CD6: variants seen among roughly 807,000 people sequenced by gnomAD.
CD6 encodes the protein T-cell differentiation antigen CD6.
Under a neutral mutation model 75.3 loss-of-function variants are expected in CD6, and 53 were observed. The observed-to-expected ratio is 0.70, with a 90% CI of 0.56 to 0.88. The LOEUF is 0.88. CD6 is among the 40% of genes least tolerant of loss of function. The probability of loss-of-function intolerance (pLI) is 0.00; values close to 1 mark genes in which losing one functional copy is unlikely to be tolerated. For missense variants in CD6, 770 were observed against 897.1 expected (o/e 0.86, Z 1.81); for synonymous variants, 359 against 381.5 (o/e 0.94, Z 0.69).
chr11:60,983,072 T>C (rs1857643720), intron 1 of CD6, among the ~76,000 whole-genome samples: 1 of 151,652 alleles, frequency 6.6e-6, no homozygotes, highest in South Asian at 2.1e-4. Flanking sequence ...GTCCTCAGGC[T>C]CTGCCTCCTC....
At chr11:61,003,019 C>T (rs914390789) in intron 1 of CD6, among the ~76,000 whole-genome samples, 3 of 151,542 alleles carry the variant, frequency 2.0e-5, no homozygotes, top group African/African-American at 7.3e-5. Context: ...GGCTGGAGGG[C>T]AGTGGCGCAA....
chr11:61,000,565 C>T (rs554002664), intron 1 of CD6, among the ~76,000 whole-genome samples: 8 of 152,170 alleles, frequency 5.3e-5, no homozygotes, highest in Admixed American at 3.9e-4. Flanking sequence ...TCACTGGGCA[C>T]GGCCAGGGCG....
intron 1 of CD6, among the ~76,000 whole-genome samples, chr11:60,988,563 G>A (rs1015364471): frequency 6.6e-6 from 1 of 152,210 alleles, no homozygotes; most frequent in Non-Finnish European, 1.5e-5. Context: ...GTAGCTGCCA[G>A]GGCCGGTCCC....
At chr11:61,010,502 A>G (rs116580352) in intron 5 of CD6, among the ~76,000 whole-genome samples, 2,563 of 152,304 alleles carry the variant, frequency 0.017, 83 homozygotes, top group African/African-American at 0.058. Context: ...CTGAAGAAAC[A>G]TGGTATTTGC....
At chr11:60,999,330 G>A (rs908788445) in intron 1 of CD6, among the ~76,000 whole-genome samples, 3 of 151,000 alleles carry the variant, frequency 2.0e-5, no homozygotes, top group African/African-American at 7.3e-5. Flanking sequence ...TTAGAATCTA[G>A]TGAGCCGATG....
intron 1 of CD6, chr11:60,982,660 GA>G (rs1194755266): frequency 2.2e-6 from 1 of 456,082 alleles, no homozygotes; most frequent in South Asian, 1.5e-5. Flanking sequence ...GCTCCTTGGA[GA>G]AATATGTTGC....
chr11:61,014,596 G>T (rs981074196), intron 8 of CD6, among the ~76,000 whole-genome samples: 1 of 152,060 alleles, frequency 6.6e-6, no homozygotes, highest in Non-Finnish European at 1.5e-5. Context: ...TTAGACAGGT[G>T]TGGTGGCGTG....
At chr11:61,012,411 C>G (rs1326541900) in intron 6 of CD6, among the ~76,000 whole-genome samples, 1 of 152,256 alleles carries the variant, frequency 6.6e-6, no homozygotes, top group African/African-American at 2.4e-5. Context: ...CCCAGCCTCA[C>G]TCTCACATCT....
At chr11:60,977,429 C>T (rs1259538080) in intron 1 of CD6, among the ~76,000 whole-genome samples, 1 of 152,110 alleles carries the variant, frequency 6.6e-6, no homozygotes, top group African/African-American at 2.4e-5. Flanking sequence ...GGGCTGGGAT[C>T]CCCAGGCTGT....
At chr11:60,991,054 T>C (rs1324899271) in intron 1 of CD6, among the ~76,000 whole-genome samples, 4 of 151,994 alleles carry the variant, frequency 2.6e-5, no homozygotes, top group Admixed American at 1.3e-4. Context: ...CAAAAGGGTA[T>C]AGCTTTCAGA....
chr11:60,977,799 T>C (rs530972392), intron 1 of CD6, among the ~76,000 whole-genome samples: 1 of 152,318 alleles, frequency 6.6e-6, no homozygotes, highest in South Asian at 2.1e-4. Context: ...CTGGCTACTC[T>C]TTCTTAATTG....
At chr11:60,983,626 T>C (rs1356046065) in intron 1 of CD6, among the ~76,000 whole-genome samples, 1 of 151,958 alleles carries the variant, frequency 6.6e-6, no homozygotes, top group Non-Finnish European at 1.5e-5. Flanking sequence ...CGTGTGTTTT[T>C]GTTGTTGTTT....
chr11:60,991,399 C>A (rs963281664), intron 1 of CD6, among the ~76,000 whole-genome samples: 1 of 151,930 alleles, frequency 6.6e-6, no homozygotes, highest in Non-Finnish European at 1.5e-5. Flanking sequence ...GTGATACACC[C>A]GCCTCAGCCT....
intron 1 of CD6, among the ~76,000 whole-genome samples, chr11:60,992,731 G>A (rs1183501058): frequency 6.6e-6 from 1 of 152,036 alleles, no homozygotes; most frequent in Admixed American, 6.6e-5. Flanking sequence ...GGGAGACTGA[G>A]GCAGGAGAAT....
intron 1 of CD6, chr11:60,988,165 A>G (rs1284633700): frequency 6.6e-6 from 1 of 152,236 alleles, no homozygotes; most frequent in East Asian, 1.9e-4. Context: ...CATGCTGCGG[A>G]GCCTCAGTTT....
At chr11:61,009,546 C>A in intron 4 of CD6, 26 bp from the exon 5 acceptor site, 1 of 1,562,732 alleles carries the variant, frequency 6.4e-7, no homozygotes, top group Admixed American at 1.8e-5. Flanking sequence ...TCTGACCTGA[C>A]TCTGTCCCCT....
Position 61,017,502 on chromosome 11 carries a change from G to C in CD6, c.1534G>C (p.Asp512His), listed in dbSNP as rs1182018334. The C allele has an allele frequency of 6.5e-7, 1 of 1,550,208 alleles. No homozygotes were observed. Among genetic ancestry groups the C allele is most frequent in the Admixed American group, 2.0e-5 (1 of 50,980 alleles). Residue 512 changes from aspartate to histidine, a missense_variant, in exon 10 of 13, where the codon GAT (aspartate) becomes CAT (histidine). Coordinates refer to ENST00000313421, the MANE Select transcript of CD6 (RefSeq NM_006725.5). ...AGATTCCCAGCGGCATCGGGTCACAGATGAGGAGGTCCAGCAAAGCAGGTT... is the reference window on the plus strand; with the variant it reads ...AGATTCCCAGCGGCATCGGGTCACACATGAGGAGGTCCAGCAAAGCAGGTT... ...FYNSQRHRVT[D>H]EEVQQSRFQM... is the part of the protein sequence containing the mutation.
At chr11:61,009,969 C>A in intron 5 of CD6, 95 bp downstream of exon 5, 2 of 1,273,190 alleles carry the variant, frequency 1.6e-6, no homozygotes, top group Non-Finnish European at 1.1e-6. Context: ...CAATAGGCAC[C>A]AGATCGGCAA....
At chr11:60,992,375 G>A (rs59570070) in intron 1 of CD6, among the ~76,000 whole-genome samples, 10,389 of 151,816 alleles carry the variant, frequency 0.068, 418 homozygotes, top group South Asian at 0.18. Flanking sequence ...GAGGCAAGGG[G>A]GGCATGTGAA....
Sources: allele counts gnomAD v4.1 joint callset (sites outside exome capture counted in the v4.1 genomes callset), GRCh38; gene constraint gnomAD v4.1.1; transcripts MANE v1.5; gene names NCBI Gene and HGNC (gene_info 2026-07-23, HGNC 2026-07-21).